Variants in ARHGEF6 observed in about 807,000 individuals in gnomAD.
The protein encoded by ARHGEF6 is rho guanine nucleotide exchange factor 6.
ARHGEF6 carries 9 observed loss-of-function variants against 70.3 expected under a neutral mutation model. That is an observed-to-expected ratio of 0.13 (90% CI 0.08 to 0.22). ARHGEF6 has a LOEUF of 0.22. Among genes scored for constraint, ARHGEF6 ranks in the 10% least tolerant of loss-of-function variants. The pLI is 1.00. For synonymous variants in ARHGEF6, 201 were observed against 207.8 expected, an observed-to-expected ratio of 0.97 and a Z score of 0.28; for missense variants, 470 against 563.0, an observed-to-expected ratio of 0.83 and a Z score of 1.67.
At chrX:136,702,429 G>T (rs6633834) in intron 9 of ARHGEF6, among the ~76,000 whole-genome samples, 1 of 111,866 alleles carries the variant, frequency 8.9e-6, no homozygotes, top group African/African-American at 3.2e-5. Flanking sequence ...TTCTAAATAC[G>T]CCAATTAAAA....
chrX:136,679,203 T>C (rs1332504363), intron 16 of ARHGEF6, among the ~76,000 whole-genome samples: 1 of 112,307 alleles, frequency 8.9e-6, no homozygotes, highest in African/African-American at 3.2e-5. Context: ...TCAACTACAA[T>C]GAAGTGGCTC....
chrX:136,771,952 C>T (rs772806171), intron 2 of ARHGEF6, among the ~76,000 whole-genome samples: 8 of 112,112 alleles, frequency 7.1e-5, no homozygotes, highest in African/African-American at 1.6e-4. Context: ...GAGATAACGG[C>T]GCTCCTATGT....
chrX:136,688,605 C>T (rs144465376), intron 10 of ARHGEF6, among the ~76,000 whole-genome samples: 1,209 of 110,491 alleles, frequency 0.011, 9 homozygotes, highest in Non-Finnish European at 0.015. Flanking sequence ...CTGTGATGAG[C>T]TGTGATTGTG....
rs761576293 is a variant in ARHGEF6 at position 136,706,948 on chromosome X, C to T, written c.1006G>A (p.Ala336Thr). 1.7e-6 allele frequency: 2 copies of T among 1,211,131 alleles called. No homozygotes were observed. Among genetic ancestry groups the T allele is most frequent in the Non-Finnish European group, 2.2e-6 (2 of 895,051 alleles). ...ACATTTACAGCTGAAGGATGGTTTG[C>T]ACAGTAAGCCAGATACATAGATTTA... ...HFKSMYLAYC[A>T]NHPSAVNVLT... The change falls in exon 9 of 22, where the codon GCA becomes ACA. Residue 336 changes from alanine to threonine, a missense_variant. By Grantham distance (58) the Ala-to-Thr change is moderately conservative (BLOSUM62 0). Transcript: ENST00000250617.
chrX:136,736,839 C>A (rs2076991214), intron 5 of ARHGEF6, among the ~76,000 whole-genome samples: 1 of 111,600 alleles, frequency 9.0e-6, no homozygotes, highest in African/African-American at 3.3e-5. Context: ...TCCCCAAGGG[C>A]AAATTTACCA....
chrX:136,767,483 A>G (rs2077328708), intron 2 of ARHGEF6: 2 of 754,070 alleles, frequency 2.7e-6, no homozygotes, highest in South Asian at 1.4e-4. Context: ...TTTTTAATCT[A>G]AAGGGAAGTC....
chrX:136,689,632 T>C (rs2076438885), intron 10 of ARHGEF6, among the ~76,000 whole-genome samples: 1 of 112,008 alleles, frequency 8.9e-6, no homozygotes, highest in Non-Finnish European at 1.9e-5. Context: ...GCAGGTCAAA[T>C]ACCCTGAGAA....
intron 2 of ARHGEF6, chrX:136,767,221 TC>T: frequency 1.3e-6 from 1 of 755,034 alleles, no homozygotes; most frequent in Non-Finnish European, 1.6e-6. Context: ...TGGAAGCCGT[TC>T]GCCCTCCCGA....
intron 9 of ARHGEF6, among the ~76,000 whole-genome samples, chrX:136,703,423 C>T (rs1603340065): frequency 1.8e-5 from 2 of 112,426 alleles, no homozygotes; most frequent in East Asian, 2.8e-4. Context: ...TTGTGGCAAC[C>T]GTGTGTTGAG....
intron 17 of ARHGEF6, among the ~76,000 whole-genome samples, chrX:136,677,441 T>G (rs1255932146): frequency 1.8e-5 from 2 of 112,014 alleles, no homozygotes; most frequent in African/African-American, 6.5e-5. Context: ...AAAATACTCA[T>G]TGTCAATATC....
At position 136,778,310 on chromosome X, in the gene ARHGEF6, A is replaced by G. The variant is rs72615481; in HGVS notation, c.249+1104T>C. Among the ~76,000 whole-genome samples, 461 of 110,970 alleles carry G rather than the reference A, an allele frequency of 4.2e-3. 21 individuals are homozygous for G. In the East Asian group the frequency reaches 0.11, roughly 26 times the overall value. The stretch of plus-strand genomic sequence containing the variant: ...ATTTGAACCCAAAAAGTTTAGCACC[A>G]CAGTCCATGCTTAAACCACAACTAT... On this transcript the variant is annotated intron_variant, in intron 2 of 21. Coordinates refer to ENST00000250617, the MANE Select transcript of ARHGEF6 (RefSeq NM_004840.3).
intron 5 of ARHGEF6, among the ~76,000 whole-genome samples, chrX:136,734,197 G>C (rs930310308): frequency 1.2e-4 from 13 of 111,795 alleles, no homozygotes; most frequent in Non-Finnish European, 2.4e-4. Context: ...CTCCAGAGAG[G>C]ACAAGTGGAG....
chrX:136,745,536 C>G (rs1268458413), intron 3 of ARHGEF6, among the ~76,000 whole-genome samples, 189 bp from the exon 4 acceptor site: 3 of 111,746 alleles, frequency 2.7e-5, no homozygotes, highest in Non-Finnish European at 5.6e-5. Flanking sequence ...TGTTCTTAAC[C>G]TTACTGGCCA....
intron 20 of ARHGEF6, among the ~76,000 whole-genome samples, chrX:136,669,756 C>T (rs375090802): frequency 2.7e-5 from 3 of 111,994 alleles, no homozygotes; most frequent in African/African-American, 9.8e-5. Flanking sequence ...TGTCATTACA[C>T]CTTTTCTATA....
intron 3 of ARHGEF6, among the ~76,000 whole-genome samples, chrX:136,746,655 T>C (rs1325577795): frequency 8.9e-6 from 1 of 111,901 alleles, no homozygotes; most frequent in Non-Finnish European, 1.9e-5. Flanking sequence ...CTACAACAGT[T>C]TGAGCAGCAA....
intron 21 of ARHGEF6, among the ~76,000 whole-genome samples, 181 bp downstream of exon 21, chrX:136,669,301 C>T (rs1481014448): frequency 1.8e-5 from 2 of 111,734 alleles, no homozygotes; most frequent in Admixed American, 9.5e-5. Flanking sequence ...AAGCAAGCCT[C>T]GGAAATTTAA....
intron 21 of ARHGEF6, 29 bp from the exon 22 acceptor site, chrX:136,668,198 C>CAA: frequency 8.3e-7 from 1 of 1,209,217 alleles, no homozygotes; most frequent in Non-Finnish European, 1.1e-6. Flanking sequence ...TGTTGATTAT[C>CAA]AAACAGAGGG....
intron 18 of ARHGEF6, 138 bp from the exon 19 acceptor site, chrX:136,675,234 C>T (rs773007077): frequency 1.4e-4 from 72 of 532,521 alleles, no homozygotes; most frequent in South Asian, 8.5e-4. Context: ...AGCTGTCCAA[C>T]GCTGGTGATG....
rs398124186 is a variant in ARHGEF6 at position 136,745,227 on chromosome X, G to A, written c.455C>T (p.Thr152Ile). The change falls in exon 4 of 22, where the codon ACA becomes ATA. Residue 152 changes from threonine to isoleucine, a missense_variant. Thr to Ile is a moderately conservative substitution (Grantham distance 89). Transcript: ENST00000250617. ...AGAATTGGGGACTATACTTACCACT[G>A]TCTTTGACTGCCTTTGCAGCCCTGA... is the stretch of plus-strand genomic sequence containing the variant. ...TVSGLQRQSK[T>I]VEMTENGSHQ... 4.9e-5 allele frequency: 59 copies of A among 1,210,236 alleles called. No individual in the cohort carries two copies. The highest frequency in any genetic ancestry group is 6.4e-5 in the Non-Finnish European group (57 of 895,245).
Sources: allele counts gnomAD v4.1 joint callset (sites outside exome capture counted in the v4.1 genomes callset), GRCh38; gene constraint gnomAD v4.1.1; transcripts MANE v1.5; gene names NCBI Gene and HGNC (gene_info 2026-07-23, HGNC 2026-07-21).